ANKFY1: variants seen among roughly 807,000 people sequenced by gnomAD.
ANKFY1 encodes ankyrin repeat and FYVE domain-containing protein 1.
A neutral mutation model predicts 128.3 loss-of-function variants in ANKFY1; 47 were observed. The observed-to-expected ratio is 0.37, with a 90% CI of 0.29 to 0.47. The LOEUF is 0.47. Among genes scored for constraint, ANKFY1 ranks in the 20% least tolerant of loss-of-function variants. ANKFY1 has a pLI of 1.00. For missense variants in ANKFY1, 1,222 were observed against 1,510.6 expected (o/e 0.81, Z 3.17); for synonymous variants, 553 against 601.6 (o/e 0.92, Z 1.18).
In ANKFY1 at chr17:4,179,098, T is replaced by A. The variant is rs1347607786; in HGVS notation, c.2398-41A>T. On this transcript the variant is annotated intron_variant, in intron 17 of 24. Transcript: ENST00000341657. The stretch of plus-strand genomic sequence containing the variant: ...CAGAATTTAATGTTCAATTGCAAGA[T>A]AAAACTCAGGAAAAATATGAAAGGG... 3.8e-6 allele frequency: 6 copies of A among 1,595,682 alleles called. No homozygotes were observed. In the Admixed American group the frequency reaches 1.0e-4, roughly 27 times the overall value.
At chr17:4,211,056 G>T (rs1033730959) in intron 4 of ANKFY1, among the ~76,000 whole-genome samples, 5 of 151,310 alleles carry the variant, frequency 3.3e-5, no homozygotes, top group African/African-American at 1.2e-4. Context: ...AAAATAAAAA[G>T]AAAAAAAGAA....
intron 1 of ANKFY1, among the ~76,000 whole-genome samples, chr17:4,252,241 G>A (rs1967874443): frequency 6.6e-6 from 1 of 152,084 alleles, no homozygotes. Context: ...ACACCTACTA[G>A]TATGGCTAAA....
chr17:4,180,032 C>T lies in ANKFY1; in HGVS notation c.2241-155G>A, dbSNP rs542538351. 25 of 897,576 alleles carry T rather than the reference C, an allele frequency of 2.8e-5. 1 individual carries two copies. The South Asian group carries it at 3.2e-4, about 11-fold the overall frequency. 55.6% of individuals were successfully genotyped at this position (897,576 alleles called of 1,614,324 possible). On this transcript the variant is annotated intron_variant, in intron 16 of 24. Coordinates refer to ENST00000341657, the MANE Select transcript of ANKFY1 (RefSeq NM_001330063.2). Reference sequence around the variant, plus strand: ...GGTCCCTGGCCTCAAATACCAGAGTCGGGGTTCCACTCCCATAGATTCTTC... The same window carrying T: ...GGTCCCTGGCCTCAAATACCAGAGTTGGGGTTCCACTCCCATAGATTCTTC...
At chr17:4,243,357 C>T (rs1038234963) in intron 1 of ANKFY1, among the ~76,000 whole-genome samples, 2 of 151,380 alleles carry the variant, frequency 1.3e-5, no homozygotes, top group Non-Finnish European at 2.9e-5. Flanking sequence ...TGAGCTACCG[C>T]GCCCAGCCTC....
chr17:4,222,257 C>G (rs1452479186), intron 3 of ANKFY1: 3 of 501,158 alleles, frequency 6.0e-6, no homozygotes, highest in Non-Finnish European at 1.1e-5. Context: ...TCGGCGGCCG[C>G]GGGGCCCAGC....
intron 23 of ANKFY1, among the ~76,000 whole-genome samples, chr17:4,170,398 C>T (rs968038074): frequency 2.0e-5 from 3 of 152,144 alleles, no homozygotes; most frequent in Admixed American, 6.5e-5. Flanking sequence ...GAGTCAGTCT[C>T]AAGAGGACAG....
intron 7 of ANKFY1, 78 bp downstream of exon 7, chr17:4,206,243 A>G (rs1598073575): frequency 1.3e-6 from 2 of 1,510,348 alleles, no homozygotes; most frequent in East Asian, 2.3e-5. Flanking sequence ...AATTTTGGGA[A>G]CAAGGTCAGA....
intron 22 of ANKFY1, 27 bp from the exon 23 acceptor site, chr17:4,170,888 T>G: frequency 6.2e-7 from 1 of 1,613,850 alleles, no homozygotes; most frequent in Non-Finnish European, 8.5e-7. Context: ...CGCGCAGGGC[T>G]ACTTCCCACC....
chr17:4,235,925 A>C, intron 2 of ANKFY1, 35 bp from the exon 3 acceptor site: 3 of 1,477,500 alleles, frequency 2.0e-6, no homozygotes, highest in Non-Finnish European at 2.8e-6. Context: ...TATTAGAAAA[A>C]TGTCATCATA....
At chr17:4,216,853 G>T in intron 4 of ANKFY1, 130 bp downstream of exon 4, 2 of 1,277,946 alleles carry the variant, frequency 1.6e-6, no homozygotes, top group Middle Eastern at 1.8e-4. Flanking sequence ...TCTGTCCCCA[G>T]CATCGCCTTT....
In ANKFY1 at chr17:4,209,999, A is replaced by T. The variant is rs367776742; in HGVS notation, c.459-52T>A. The T allele has an allele frequency of 2.2e-5, 34 of 1,564,888 alleles. 1 individual carries two copies. The South Asian group carries it at 3.8e-4, about 17-fold the overall frequency. Reference sequence around the variant, plus strand: ...GTATTACTGGACAAATAATTCACAAACGAACAAACCAAAGCGATCATCTTT... The same window carrying T: ...GTATTACTGGACAAATAATTCACAATCGAACAAACCAAAGCGATCATCTTT... On this transcript the variant is annotated intron_variant, in intron 4 of 24. Coordinates refer to ENST00000341657, the MANE Select transcript of ANKFY1 (RefSeq NM_001330063.2).
At chr17:4,196,046 A>T (rs1165455680) in intron 8 of ANKFY1, among the ~76,000 whole-genome samples, 1 of 7,194 alleles carries the variant, frequency 1.4e-4, no homozygotes, top group African/African-American at 5.7e-4. Context: ...ACCACCCCCC[A>T]CCCACACAGT....
chr17:4,230,686 A>G (rs1374692043), intron 3 of ANKFY1, among the ~76,000 whole-genome samples: 1 of 152,196 alleles, frequency 6.6e-6, no homozygotes, highest in Non-Finnish European at 1.5e-5. Flanking sequence ...TTAATGTATG[A>G]CATGTTTTGA....
At chr17:4,209,346 G>A (rs965207221) in intron 5 of ANKFY1, among the ~76,000 whole-genome samples, 6 of 152,224 alleles carry the variant, frequency 3.9e-5, no homozygotes, top group African/African-American at 1.4e-4. Context: ...TGTCACCCAG[G>A]CTGGAGTGCA....
chr17:4,224,130 G>C (rs1393845322), intron 3 of ANKFY1, among the ~76,000 whole-genome samples: 1 of 150,622 alleles, frequency 6.6e-6, no homozygotes, highest in Admixed American at 6.6e-5. Flanking sequence ...TTCAGACACA[G>C]ATATTTGGAA....
Position 4,164,030 on chromosome 17 carries a change from T to C in ANKFY1, c.*3749A>G, listed in dbSNP as rs2059169561. 6.5e-6 allele frequency: 1 copy of C among 152,696 alleles called. No individual in the cohort carries two copies. Among genetic ancestry groups the C allele is most frequent in the African/African-American group, 2.4e-5 (1 of 41,466 alleles). The allele number at this position is 152,696 out of a possible 1,614,324, so 9.5% of individuals were successfully genotyped here. A position where few individuals can be genotyped will look rare whatever the true frequency, so the allele number is the denominator to read the frequency against. On this transcript the variant is annotated 3_prime_UTR_variant, in exon 25 of 25. Coordinates refer to ENST00000341657, the MANE Select transcript of ANKFY1 (RefSeq NM_001330063.2). ...TGCTGATAAGCGCCGTGGTCCTCTA[T>C]GATACCATCACCCCACACTGAGCAC...
At position 4,261,375 on chromosome 17, in the gene ANKFY1, G is replaced by A. The variant is rs1968406647; in HGVS notation, c.10+2557C>T. Among the ~76,000 whole-genome samples the A allele has an allele frequency of 2.6e-5, 4 of 152,326 alleles. No homozygotes were observed. The South Asian group carries it at 6.2e-4, about 24-fold the overall frequency. Reference sequence around the variant, plus strand: ...GGTGCCTGTAATCCCAGCTACTTGGGATGCTGAGGTGGAAGAATCGCTTGA... The same window carrying A: ...GGTGCCTGTAATCCCAGCTACTTGGAATGCTGAGGTGGAAGAATCGCTTGA... On this transcript the variant is annotated intron_variant, in intron 1 of 24. Transcript: ENST00000341657.
chr17:4,186,643 G>A, intron 11 of ANKFY1: 1 of 204,986 alleles, frequency 4.9e-6, no homozygotes, highest in Non-Finnish European at 8.6e-6. Context: ...TCCCCATACA[G>A]GGGAACTGTA....
rs8080292 is a variant in ANKFY1 at position 4,210,993 on chromosome 17, C to T, written c.459-1046G>A. Among the ~76,000 whole-genome samples, 263 of 152,052 alleles carry T rather than the reference C, an allele frequency of 1.7e-3. 1 individual carries two copies. Among genetic ancestry groups the T allele is most frequent in the African/African-American group, 6.1e-3 (253 of 41,444 alleles). On this transcript the variant is annotated intron_variant, in intron 4 of 24. Coordinates refer to ENST00000341657, the MANE Select transcript of ANKFY1 (RefSeq NM_001330063.2). ...ATTGCAGTGAGCCGAGATTACGCCA[C>T]TGCACTCCAGCCTGGGCAGCGGAGT...
Sources: allele counts gnomAD v4.1 joint callset (sites outside exome capture counted in the v4.1 genomes callset), GRCh38; gene constraint gnomAD v4.1.1; transcripts MANE v1.5; gene names NCBI Gene and HGNC (gene_info 2026-07-23, HGNC 2026-07-21).